Variants in FHIT observed in about 807,000 individuals in gnomAD.
FHIT encodes the protein fragile histidine triad diadenosine triphosphatase.
A neutral mutation model predicts 17.9 loss-of-function variants in FHIT; 19 were observed. That is an observed-to-expected ratio of 1.06 (90% CI 0.74 to 1.56). The LOEUF (loss-of-function observed/expected upper bound fraction) is 1.56, where lower values mean the gene tolerates loss of function less well. FHIT is among the 40% of genes most tolerant of loss of function. The pLI, the probability that FHIT is intolerant of heterozygous loss-of-function variation, is 0.00. For missense variants in FHIT, 248 were observed against 189.2 expected (o/e 1.31, Z -1.82); for synonymous variants, 81 against 69.7 (o/e 1.16, Z -0.81).
intron 4 of FHIT, among the ~76,000 whole-genome samples, chr3:60,713,606 A>C (rs1444935070): frequency 2.6e-5 from 4 of 152,242 alleles, no homozygotes; most frequent in African/African-American, 9.6e-5. Flanking sequence ...ATCATCACTG[A>C]TCCCACAGAA....
chr3:60,596,800 C>T (rs1353117613), intron 4 of FHIT, among the ~76,000 whole-genome samples: 1 of 152,096 alleles, frequency 6.6e-6, no homozygotes, highest in Non-Finnish European at 1.5e-5. Context: ...TAATACAACG[C>T]CTAGCATGCT....
intron 4 of FHIT, among the ~76,000 whole-genome samples, chr3:60,782,866 G>A (rs1700440068): frequency 6.6e-6 from 1 of 152,034 alleles, no homozygotes; most frequent in Non-Finnish European, 1.5e-5. Flanking sequence ...GGCATAAAGG[G>A]CCTAGCTAGT....
At chr3:60,796,492 T>C (rs1700984883) in intron 4 of FHIT, among the ~76,000 whole-genome samples, 1 of 152,218 alleles carries the variant, frequency 6.6e-6, no homozygotes, top group Non-Finnish European at 1.5e-5. Flanking sequence ...TCATATGTGT[T>C]ATATTTTCAT....
intron 5 of FHIT, among the ~76,000 whole-genome samples, chr3:60,201,823 T>G (rs1000069750): frequency 6.9e-6 from 1 of 145,400 alleles, no homozygotes; most frequent in Non-Finnish European, 1.5e-5. Flanking sequence ...AGACCCCAGT[T>G]AAACTTCTTT....
At chr3:59,816,755 T>C (rs1700613650) in intron 8 of FHIT, among the ~76,000 whole-genome samples, 1 of 152,202 alleles carries the variant, frequency 6.6e-6, no homozygotes, top group Non-Finnish European at 1.5e-5. Context: ...AACGATCTTA[T>C]CCCCTCTCTT....
chr3:60,941,609 A>G (rs1319131177), intron 3 of FHIT, among the ~76,000 whole-genome samples: 1 of 152,040 alleles, frequency 6.6e-6, no homozygotes, highest in Non-Finnish European at 1.5e-5. Context: ...TGTTCTTAGG[A>G]TTTAAATAAA....
At chr3:60,763,855 T>C (rs1404060729) in intron 4 of FHIT, among the ~76,000 whole-genome samples, 1 of 152,220 alleles carries the variant, frequency 6.6e-6, no homozygotes, top group Non-Finnish European at 1.5e-5. Flanking sequence ...TTAACACTGC[T>C]TTTTACTTCA....
At chr3:61,044,377 G>A (rs936902841) in intron 2 of FHIT, among the ~76,000 whole-genome samples, 1 of 152,138 alleles carries the variant, frequency 6.6e-6, no homozygotes, top group African/African-American at 2.4e-5. Context: ...GGAAGAAAGG[G>A]TATCACTGAT....
intron 5 of FHIT, among the ~76,000 whole-genome samples, chr3:60,261,324 G>C (rs377149428): frequency 3.9e-5 from 6 of 152,064 alleles, no homozygotes; most frequent in African/African-American, 1.4e-4. Flanking sequence ...AAAAACAAAA[G>C]ACATATATAT....
intron 4 of FHIT, among the ~76,000 whole-genome samples, chr3:60,744,269 A>AAAAAAAAAAAAC (rs2042306626): frequency 2.5e-4 from 4 of 16,052 alleles, no homozygotes; most frequent in African/African-American, 4.7e-4. Flanking sequence ...AAAACAAAAC[A>AAAAAAAAAAAAC]AAAAAAAAAA....
At chr3:59,881,114 G>A (rs1001120192) in intron 8 of FHIT, among the ~76,000 whole-genome samples, 1 of 152,106 alleles carries the variant, frequency 6.6e-6, no homozygotes, top group African/African-American at 2.4e-5. Flanking sequence ...CTGTACCTTT[G>A]GTGCCACGTC....
intron 7 of FHIT, among the ~76,000 whole-genome samples, chr3:59,988,109 C>G (rs1709066761): frequency 6.6e-6 from 1 of 152,014 alleles, no homozygotes; most frequent in African/African-American, 2.4e-5. Flanking sequence ...GTGTGAGTCT[C>G]TGACTCTTCC....
intron 7 of FHIT, among the ~76,000 whole-genome samples, chr3:59,978,245 C>T (rs1301378573): frequency 6.6e-6 from 1 of 152,044 alleles, no homozygotes; most frequent in Non-Finnish European, 1.5e-5. Flanking sequence ...TGTTTTTACT[C>T]GCTAAAGTTT....
intron 2 of FHIT, among the ~76,000 whole-genome samples, chr3:61,102,471 G>C (rs983097640): frequency 1.3e-5 from 2 of 152,158 alleles, no homozygotes; most frequent in African/African-American, 2.4e-5. Flanking sequence ...TTTTATTGAG[G>C]ATTTCTGCAT....
chr3:60,439,194 A>G (rs2030567429), intron 5 of FHIT, among the ~76,000 whole-genome samples: 2 of 152,118 alleles, frequency 1.3e-5, no homozygotes, highest in Admixed American at 6.6e-5. Context: ...AGTGGGTAAC[A>G]TTTATTTGAG....
rs77750891 is a variant in FHIT, at chr3:60,365,729, T to C, written c.103+171131A>G. ...ATCAGTGTTACGTCTTAAGATTTAT[T>C]ATTAAGACATGGTTTCTCAGAAAGT... On this transcript the variant is annotated intron_variant, in intron 5 of 9. Transcript: ENST00000492590. Among the ~76,000 whole-genome samples the C allele has an allele frequency of 5.5e-3, 844 of 152,314 alleles. 6 individuals are homozygous for C. Among genetic ancestry groups the C allele is most frequent in the Middle Eastern group, 0.017 (5 of 292 alleles).
rs1051045360 is a variant in FHIT, at chr3:60,470,687, A to C, written c.103+66173T>G. 4.6e-5 allele frequency among the ~76,000 whole-genome samples: 7 copies of C among 152,172 alleles called. No homozygotes were observed. In the East Asian group the frequency reaches 5.8e-4, roughly 13 times the overall value. ...CTGAAATCAGAGATCCTAGGAGCCC[A>C]CTTGATCCTCTGCCATACTGTGGCC... On this transcript the variant is annotated intron_variant, in intron 5 of 9. Coordinates refer to ENST00000492590, the MANE Select transcript of FHIT (RefSeq NM_002012.4).
chr3:60,878,731 C>A (rs1159874519), intron 3 of FHIT, among the ~76,000 whole-genome samples: 1 of 151,916 alleles, frequency 6.6e-6, no homozygotes, highest in Non-Finnish European at 1.5e-5. Context: ...TGAGTGAGAA[C>A]ACGCGGTGTT....
intron 4 of FHIT, among the ~76,000 whole-genome samples, chr3:60,693,068 T>A (rs1369791614): frequency 1.3e-5 from 2 of 152,222 alleles, no homozygotes; most frequent in Non-Finnish European, 2.9e-5. Flanking sequence ...AGCTTGACTA[T>A]AAAAACAAAT....
Sources: allele counts gnomAD v4.1 joint callset (sites outside exome capture counted in the v4.1 genomes callset), GRCh38; gene constraint gnomAD v4.1.1; transcripts MANE v1.5; gene names NCBI Gene and HGNC (gene_info 2026-07-23, HGNC 2026-07-21).